The following PDS5A variants were observed in gnomAD, a reference collection of about 807,000 sequenced individuals.
PDS5A encodes the protein PDS5 cohesin associated factor A.
In PDS5A, 42 loss-of-function variants were observed where a neutral mutation model predicts 167.1. The ratio of observed to expected loss-of-function variants is 0.25; its 90% CI spans 0.20 to 0.33. The LOEUF (loss-of-function observed/expected upper bound fraction) is 0.33, where lower values mean the gene tolerates loss of function less well. PDS5A is among the 10% of genes least tolerant of loss of function. The pLI, the probability that PDS5A is intolerant of heterozygous loss-of-function variation, is 1.00. For missense variants in PDS5A, 1,033 were observed against 1,605.9 expected (o/e 0.64, Z 6.10); for synonymous variants, 553 against 554.6 (o/e 1.00, Z 0.04).
chr4:39,958,534 G>A (rs1312067042), intron 2 of PDS5A, among the ~76,000 whole-genome samples: 2 of 150,116 alleles, frequency 1.3e-5, no homozygotes, highest in Non-Finnish European at 3.0e-5. Flanking sequence ...GGTACGGGTA[G>A]GGAATTACCT....
intron 32 of PDS5A, among the ~76,000 whole-genome samples, chr4:39,826,187 T>G (rs916259684): frequency 6.8e-4 from 55 of 81,110 alleles, no homozygotes; most frequent in Non-Finnish European, 1.0e-3. Context: ...CTGGCGTGTT[T>G]TTTTTTTTTT....
intron 2 of PDS5A, among the ~76,000 whole-genome samples, chr4:39,949,162 T>C (rs1728077852): frequency 6.6e-6 from 1 of 150,494 alleles, no homozygotes; most frequent in African/African-American, 2.4e-5. Flanking sequence ...GATAGCCAGG[T>C]GTGGTGGCAC....
chr4:39,848,749 T>C, intron 28 of PDS5A, 102 bp downstream of exon 28: 1 of 1,042,240 alleles, frequency 9.6e-7, no homozygotes, highest in Non-Finnish European at 1.4e-6. Context: ...ATTTTTTCTT[T>C]ACTCTGTGGT....
chr4:39,962,729 A>G (rs889062520), intron 2 of PDS5A, among the ~76,000 whole-genome samples: 1 of 151,994 alleles, frequency 6.6e-6, no homozygotes, highest in Non-Finnish European at 1.5e-5. Flanking sequence ...GCTTGAACCC[A>G]GGAGGCGGAG....
chr4:39,887,439 C>A (rs1721571879), intron 17 of PDS5A, among the ~76,000 whole-genome samples: 1 of 152,158 alleles, frequency 6.6e-6, no homozygotes. Flanking sequence ...TATGAACCAT[C>A]TCTGCATCCC....
chr4:39,893,452 C>A (rs931443006), intron 16 of PDS5A, among the ~76,000 whole-genome samples: 9 of 152,022 alleles, frequency 5.9e-5, no homozygotes, highest in African/African-American at 1.7e-4. Context: ...TACTAACTCT[C>A]GTATCAAGTA....
chr4:39,932,095 G>T (rs181037998), intron 2 of PDS5A, among the ~76,000 whole-genome samples: 3 of 152,004 alleles, frequency 2.0e-5, no homozygotes. Context: ...ATTTCACCAC[G>T]TTGGCTGGGT....
intron 32 of PDS5A, among the ~76,000 whole-genome samples, chr4:39,831,875 CAAAAAAAAA>C (rs58913167): frequency 1.2e-3 from 30 of 25,938 alleles, no homozygotes; most frequent in South Asian, 0.011. Context: ...AAACTCGTCT[CAAAAAAAAA>C]AAAAAAAAAA....
chr4:39,923,996 T>C (rs564689526), intron 5 of PDS5A, among the ~76,000 whole-genome samples: 3 of 152,234 alleles, frequency 2.0e-5, no homozygotes, highest in South Asian at 4.1e-4. Flanking sequence ...TAGTACCTCC[T>C]AAAGAATTTC....
intron 32 of PDS5A, among the ~76,000 whole-genome samples, chr4:39,833,476 C>T (rs1716113055): frequency 6.6e-6 from 1 of 152,052 alleles, no homozygotes; most frequent in South Asian, 2.1e-4. Flanking sequence ...GTAGCCTCGA[C>T]CTCCCAGGCT....
intron 26 of PDS5A, among the ~76,000 whole-genome samples, chr4:39,851,487 G>T (rs1718119684): frequency 6.6e-6 from 1 of 151,990 alleles, no homozygotes; most frequent in Non-Finnish European, 1.5e-5. Context: ...CTGGGGTTTC[G>T]CCAGGTTGCC....
At chr4:39,904,867 T>G (rs991555257) in intron 11 of PDS5A, among the ~76,000 whole-genome samples, 4 of 152,210 alleles carry the variant, frequency 2.6e-5, no homozygotes, top group Non-Finnish European at 1.5e-5. Flanking sequence ...GTTCATTTGA[T>G]TCTATTGAAA....
intron 2 of PDS5A, among the ~76,000 whole-genome samples, chr4:39,937,564 C>T (rs1223917737): frequency 6.6e-6 from 1 of 152,074 alleles, no homozygotes; most frequent in African/African-American, 2.4e-5. Flanking sequence ...CAGACGAATG[C>T]CACCATGTGC....
At chr4:39,876,144 A>C (rs1720444073) in intron 19 of PDS5A, among the ~76,000 whole-genome samples, 1 of 152,128 alleles carries the variant, frequency 6.6e-6, no homozygotes, top group Non-Finnish European at 1.5e-5. Context: ...TTGCCTTGAA[A>C]AAATGTATAG....
In PDS5A at chr4:39,977,255, TTTG is replaced by T. The variant is rs1374823100; in HGVS notation, c.-41+199_-41+201del. Among the ~76,000 whole-genome samples the T allele has an allele frequency of 1.3e-5, 2 of 151,860 alleles. No individual in the cohort carries two copies. The highest frequency in any genetic ancestry group is 4.8e-5 in the African/African-American group (2 of 41,348). The stretch of plus-strand genomic sequence containing the variant: ...GCTGACGCGCCTCCGCACTTCACAT[TTTG>T]TTCCTTCAACTTCGGCTGAGGGACC... On this transcript the variant is annotated intron_variant, in intron 1 of 32. Coordinates refer to ENST00000303538, the MANE Select transcript of PDS5A (RefSeq NM_001100399.2). The surrounding 1 kb of genome is among the most constrained non-coding windows in gnomAD (Gnocchi z 4.2).
chr4:39,930,942 G>A (rs927999461), intron 2 of PDS5A, among the ~76,000 whole-genome samples: 1 of 152,162 alleles, frequency 6.6e-6, no homozygotes, highest in African/African-American at 2.4e-5. Flanking sequence ...AAGAAAGAAT[G>A]CAATCATCTA....
At chr4:39,868,167 A>C (rs1039639167) in intron 22 of PDS5A, among the ~76,000 whole-genome samples, 8 of 152,056 alleles carry the variant, frequency 5.3e-5, no homozygotes, top group Non-Finnish European at 7.4e-5. Flanking sequence ...AAATGTCACA[A>C]ATTTAGTAAC....
At chr4:39,878,933 G>A (rs938576842) in intron 18 of PDS5A, among the ~76,000 whole-genome samples, 7 of 152,008 alleles carry the variant, frequency 4.6e-5, no homozygotes, top group Admixed American at 2.6e-4. Flanking sequence ...TAGTAGAGAC[G>A]GGGTTTCCCC....
intron 17 of PDS5A, among the ~76,000 whole-genome samples, chr4:39,886,828 T>C (rs899727423): frequency 6.6e-6 from 1 of 152,214 alleles, no homozygotes; most frequent in Non-Finnish European, 1.5e-5. Flanking sequence ...TTTCTTGTAA[T>C]AGATCTTTCA....
Sources: allele counts gnomAD v4.1 joint callset (sites outside exome capture counted in the v4.1 genomes callset), GRCh38; gene constraint gnomAD v4.1.1; non-coding constraint Gnocchi (gnomAD v3.1); transcripts MANE v1.5; gene names NCBI Gene and HGNC (gene_info 2026-07-23, HGNC 2026-07-21).